ERRFI1: variants seen among roughly 807,000 people sequenced by gnomAD.
ERRFI1 encodes the protein ERBB receptor feedback inhibitor 1.
In ERRFI1, 12 loss-of-function variants were observed where a neutral mutation model predicts 14.6. The observed-to-expected ratio is 0.82, with a 90% CI of 0.53 to 1.33. The LOEUF is 1.33. ERRFI1 is among the 40% of genes most tolerant of loss of function. ERRFI1 has a pLI of 0.00. For missense variants in ERRFI1, 482 were observed against 572.1 expected, an observed-to-expected ratio of 0.84 and a Z score of 1.61; for synonymous variants, 202 against 209.9, an observed-to-expected ratio of 0.96 and a Z score of 0.32.
At position 8,011,992 on chromosome 1, in the gene ERRFI1, CT is replaced by C. The variant is rs1217157311; in HGVS notation, c.*1217del. The stretch of plus-strand genomic sequence containing the variant: ...GTAATGTACCTCTGTTAGTGAGCAC[CT>C]TCTCTTCTGTGCTTATCTCTTCAAG... On this transcript the variant is annotated 3_prime_UTR_variant, in exon 4 of 4. Transcript: ENST00000377482. The C allele has an allele frequency of 2.6e-5, 6 of 229,070 alleles. No individual in the cohort carries two copies. The highest frequency in any genetic ancestry group is 6.7e-5 in the African/African-American group (3 of 45,074). 14.2% of individuals were successfully genotyped at this position (229,070 alleles called of 1,614,324 possible).
In ERRFI1 at chr1:8,020,272, T is replaced by G. The variant is rs1314695750; in HGVS notation, c.-73-4580A>C. ...GTGATGTAATTTCCTCCTTTCAATC[T>G]GGTTCTAGAACCTGATTTCTGTTTA... On this transcript the variant is annotated intron_variant, in intron 1 of 3. Coordinates refer to ENST00000377482, the MANE Select transcript of ERRFI1 (RefSeq NM_018948.4). Among the ~76,000 whole-genome samples, 3 of 152,172 alleles carry G rather than the reference T, an allele frequency of 2.0e-5. No individual in the cohort carries two copies. In the East Asian group the frequency reaches 5.8e-4, roughly 29 times the overall value.
chr1:8,012,513 G>A lies in ERRFI1; in HGVS notation c.*697C>T. 1 of 226,320 alleles carries A rather than the reference G, an allele frequency of 4.4e-6. No individual in the cohort carries two copies. The highest frequency in any genetic ancestry group is 8.8e-6 in the Non-Finnish European group (1 of 113,400). The allele number at this position is 226,320 out of a possible 1,614,324, so 14.0% of individuals were successfully genotyped here. On this transcript the variant is annotated 3_prime_UTR_variant, in exon 4 of 4. Transcript: ENST00000377482. Reference sequence around the variant, plus strand: ...CTATTATCGTTTTATTTTTCAAGATGTGTGACAGGTACAGGTGACAATATG... The same window carrying A: ...CTATTATCGTTTTATTTTTCAAGATATGTGACAGGTACAGGTGACAATATG...
intron 1 of ERRFI1, among the ~76,000 whole-genome samples, chr1:8,021,565 C>T (rs1451008781): frequency 6.6e-6 from 1 of 152,144 alleles, no homozygotes; most frequent in Non-Finnish European, 1.5e-5. Context: ...AATGATGGGA[C>T]GCAAGTCTTT....
chr1:8,013,327 C>G lies in ERRFI1; in HGVS notation c.1272G>C (p.Gln424His), dbSNP rs757532406. 1 of 1,614,172 alleles carries G rather than the reference C, an allele frequency of 6.2e-7. No individual in the cohort carries two copies. The highest frequency in any genetic ancestry group is 2.2e-5 in the East Asian group (1 of 44,878). ...ATATACCGCAGTCAGCAGGTAATGG[C>G]TGGATTTGGGCGCCTCCATTTGTTT... ...AEETNGGAQIQPLPADCGISS... is the reference protein window; with the variant it reads ...AEETNGGAQIHPLPADCGISS... The change falls in exon 4 of 4, where the codon CAG becomes CAC. Residue 424 changes from glutamine to histidine, a missense_variant. Transcript: ENST00000377482. The surrounding 1 kb of genome is among the most constrained non-coding windows in gnomAD (Gnocchi z 4.3).
At position 8,014,234 on chromosome 1, in the gene ERRFI1, C is replaced by T. The variant is rs1641138194; in HGVS notation, c.365G>A (p.Gly122Glu). 6 of 1,614,052 alleles carry T rather than the reference C, an allele frequency of 3.7e-6. No homozygotes were observed. The highest frequency in any genetic ancestry group is 4.2e-6 in the Non-Finnish European group (5 of 1,179,998). Reference sequence around the variant, plus strand: ...CAGTGGAGGGGTGGAAGCACAAACCCCATTCACTGTGAGTTTCTTAAAACC... The same window carrying T: ...CAGTGGAGGGGTGGAAGCACAAACCTCATTCACTGTGAGTTTCTTAAAACC... ...VCGFKKLTVNGVCASTPPLTP... is the reference protein window; with the variant it reads ...VCGFKKLTVNEVCASTPPLTP... Residue 122 changes from glycine (G) to glutamate (E), a missense_variant, in exon 4 of 4, where the codon GGG (glycine) becomes GAG (glutamate). Gly to Glu is a moderately conservative substitution (Grantham distance 98). Coordinates refer to ENST00000377482, the MANE Select transcript of ERRFI1 (RefSeq NM_018948.4).
rs745503634 is a variant in ERRFI1, at chr1:8,018,373, CGGGGGGGGG to C, written c.-73-2690_-73-2682del. Among the ~76,000 whole-genome samples the C allele has an allele frequency of 4.2e-5, 2 of 47,972 alleles. 1 individual carries two copies. The highest frequency in any genetic ancestry group is 6.6e-4 in the Admixed American group (2 of 3,042). The allele number at this position is 47,972 out of a possible 152,430, so 31.5% of individuals were successfully genotyped here. Reference sequence around the variant, plus strand: ...ATTCAGCACAAATGGAAGCGGGGGGCGGGGGGGGGGGGGGCGCGGAGTAAATAAATCCAT... The same window carrying C: ...ATTCAGCACAAATGGAAGCGGGGGGCGGGGGCGCGGAGTAAATAAATCCAT... On this transcript the variant is annotated intron_variant, in intron 1 of 3. Transcript: ENST00000377482.
At chr1:8,025,847 G>A (rs1380529456) in intron 1 of ERRFI1, among the ~76,000 whole-genome samples, 2 of 152,092 alleles carry the variant, frequency 1.3e-5, no homozygotes, top group Admixed American at 1.3e-4. Flanking sequence ...CCAGCCGAGG[G>A]GCCGCGCGAC....
Position 8,014,344 on chromosome 1 carries a change from A to T in ERRFI1, c.255T>A (p.Gly85=), listed in dbSNP as rs778031169. ...GGGGCAAGCTGGACTTTTGAGATGGACCATTTTCTGCAAAGCAGTGGCCAT... is the reference window on the plus strand; with the variant it reads ...GGGGCAAGCTGGACTTTTGAGATGGTCCATTTTCTGCAAAGCAGTGGCCAT... ...PMNGHCFAEN[G]PSQKSSLPPL... Residue 85 remains glycine, a synonymous_variant, in exon 4 of 4, where the codon GGT becomes GGA. Transcript: ENST00000377482. 1.5e-4 allele frequency: 247 copies of T among 1,609,008 alleles called. No individual in the cohort carries two copies. Among genetic ancestry groups the T allele is most frequent in the Non-Finnish European group, 1.9e-4 (229 of 1,177,200 alleles).
At chr1:8,022,951 C>T (rs1641293366) in intron 1 of ERRFI1, among the ~76,000 whole-genome samples, 1 of 152,012 alleles carries the variant, frequency 6.6e-6, no homozygotes, top group African/African-American at 2.4e-5. Context: ...TTTTAGATGG[C>T]GATACCTTCC....
At chr1:8,014,638 C>T (rs561922063) in intron 3 of ERRFI1, 4 of 484,300 alleles carry the variant, frequency 8.3e-6, no homozygotes, top group Non-Finnish European at 1.4e-5. Context: ...GACATGTGCA[C>T]AGCGCACACC....
intron 1 of ERRFI1, among the ~76,000 whole-genome samples, chr1:8,022,079 A>G (rs967489988): frequency 2.0e-5 from 3 of 152,200 alleles, no homozygotes; most frequent in Admixed American, 6.5e-5. Flanking sequence ...TTCTCCTATT[A>G]AAAGTTATTA....
intron 2 of ERRFI1, 36 bp from the exon 3 acceptor site, chr1:8,015,420 A>C: frequency 6.2e-7 from 1 of 1,614,142 alleles, no homozygotes; most frequent in South Asian, 1.1e-5. Flanking sequence ...TCATAAGCGA[A>C]GAGCAATCAC....
At chr1:8,018,375 G>GC (rs1641220400) in intron 1 of ERRFI1, among the ~76,000 whole-genome samples, 1 of 37,334 alleles carries the variant, frequency 2.7e-5, no homozygotes, top group Non-Finnish European at 3.8e-5. Context: ...GCGGGGGGCG[G>GC]GGGGGGGGGG....
chr1:8,016,025 G>T (rs6704330), intron 1 of ERRFI1, among the ~76,000 whole-genome samples: 43,604 of 152,066 alleles, frequency 0.29, 7,763 homozygotes, highest in Non-Finnish European at 0.41. Context: ...ACCCTCCCCT[G>T]ACTTATTAAA....
chr1:8,018,379 G>GA (rs1641222074), intron 1 of ERRFI1, among the ~76,000 whole-genome samples: 1 of 112,886 alleles, frequency 8.9e-6, no homozygotes, highest in Admixed American at 9.7e-5. Context: ...GGGGCGGGGG[G>GA]GGGGGGGGCG....
chr1:8,019,515 A>C (rs1177795525), intron 1 of ERRFI1, among the ~76,000 whole-genome samples: 1 of 152,150 alleles, frequency 6.6e-6, no homozygotes, highest in Non-Finnish European at 1.5e-5. Flanking sequence ...CTGATGTCTG[A>C]TTTATGCTTT....
chr1:8,014,199 T>C lies in ERRFI1; in HGVS notation c.400A>G (p.Lys134Glu). The change falls in exon 4 of 4, where the codon AAA becomes GAA. Residue 134 changes from lysine (K) to glutamate (E), a missense_variant. Physicochemically the swap from Lys to Glu is moderately conservative, Grantham distance 56. Transcript: ENST00000377482. ...CASTPPLTPI[K>E]NSPSLFPCAP... ...CAGGGGAAAAGGGAAGGGGAGTTTT[T>C]TATGGGTGTCAGTGGAGGGGTGGAA... 1.2e-6 allele frequency: 2 copies of C among 1,614,116 alleles called. No individual in the cohort carries two copies. Among genetic ancestry groups the C allele is most frequent in the Non-Finnish European group, 1.7e-6 (2 of 1,180,028 alleles).
rs767620643 is a variant in ERRFI1 at position 8,013,549 on chromosome 1, C to G, written c.1050G>C (p.Gln350His). The change falls in exon 4 of 4, where the codon CAG becomes CAC. Residue 350 changes from glutamine to histidine, a missense_variant. By Grantham distance (24) the Gln-to-His change is conservative. Coordinates refer to ENST00000377482, the MANE Select transcript of ERRFI1 (RefSeq NM_018948.4). The surrounding 1 kb of genome is among the most constrained non-coding windows in gnomAD (Gnocchi z 4.3). ...CATACTTGGGATCAGGGGCAAAGCT[C>G]TGTGTCGGGGGCATGACCCCATTGA... ...SYLNGVMPPT[Q>H]SFAPDPKYVS... is the part of the protein sequence containing the mutation. The G allele has an allele frequency of 6.2e-7, 1 of 1,614,008 alleles. No homozygotes were observed. The highest frequency in any genetic ancestry group is 1.7e-5 in the Admixed American group (1 of 59,994).
chr1:8,023,571 G>C (rs907472097), intron 1 of ERRFI1, among the ~76,000 whole-genome samples: 22 of 152,012 alleles, frequency 1.4e-4, no homozygotes, highest in African/African-American at 4.8e-4. Context: ...GAGCCACTGA[G>C]CCCGGCCAAA....
Sources: allele counts gnomAD v4.1 joint callset (sites outside exome capture counted in the v4.1 genomes callset), GRCh38; gene constraint gnomAD v4.1.1; non-coding constraint Gnocchi (gnomAD v3.1); transcripts MANE v1.5; gene names NCBI Gene and HGNC (gene_info 2026-07-23, HGNC 2026-07-21).